FHAD1: variants seen among roughly 807,000 people sequenced by gnomAD.
FHAD1 encodes forkhead-associated domain-containing protein 1.
Under a neutral mutation model 191.3 loss-of-function variants are expected in FHAD1, and 146 were observed. The ratio of observed to expected loss-of-function variants is 0.76; its 90% CI spans 0.67 to 0.88. FHAD1 has a LOEUF of 0.88. Among genes scored for constraint, FHAD1 ranks in the 40% least tolerant of loss-of-function variants. The pLI is 0.00. For missense variants in FHAD1, 1,635 were observed against 1,785.8 expected (o/e 0.92, Z 1.52); for synonymous variants, 616 against 672.3 (o/e 0.92, Z 1.29).
At chr1:15,370,833 G>C (rs1239876568) in intron 26 of FHAD1, among the ~76,000 whole-genome samples, 2 of 152,210 alleles carry the variant, frequency 1.3e-5, no homozygotes, top group Non-Finnish European at 2.9e-5. Flanking sequence ...AGCCTAGAGA[G>C]CATGGCGTTC....
chr1:15,255,270 T>G (rs560598876), intron 2 of FHAD1, among the ~76,000 whole-genome samples: 2 of 152,346 alleles, frequency 1.3e-5, no homozygotes, highest in South Asian at 4.1e-4. Flanking sequence ...TTTTGCTTAT[T>G]GATATTATAA....
chr1:15,320,867 A>T (rs1676015373), intron 10 of FHAD1, among the ~76,000 whole-genome samples: 1 of 152,214 alleles, frequency 6.6e-6, no homozygotes, highest in Non-Finnish European at 1.5e-5. Context: ...GCTCAGGGCC[A>T]GGTGTACTAC....
upstream of FHAD1, among the ~76,000 whole-genome samples, chr1:15,243,416 T>C (rs1442262107): frequency 6.6e-6 from 1 of 152,236 alleles, no homozygotes; most frequent in Non-Finnish European, 1.5e-5. Context: ...CTCTTGTTCT[T>C]GCTCTTTCTC....
At chr1:15,346,402 G>A (rs566864631) in intron 18 of FHAD1, among the ~76,000 whole-genome samples, 1 of 152,174 alleles carries the variant, frequency 6.6e-6, no homozygotes, top group Non-Finnish European at 1.5e-5. Flanking sequence ...AAGCCTTACC[G>A]GGTAGCAGCA....
intron 2 of FHAD1, among the ~76,000 whole-genome samples, chr1:15,254,432 C>T (rs1367330595): frequency 1.3e-5 from 2 of 152,146 alleles, no homozygotes; most frequent in Non-Finnish European, 2.9e-5. Context: ...AAGTACCTGG[C>T]ATATGGTACT....
At chr1:15,362,239 A>T (rs1695041156) in intron 22 of FHAD1, among the ~76,000 whole-genome samples, 1 of 152,218 alleles carries the variant, frequency 6.6e-6, no homozygotes, top group Non-Finnish European at 1.5e-5. Flanking sequence ...AGGACGCTAG[A>T]GGCGGTGCAC....
chr1:15,305,776 C>T (rs1158768298), intron 6 of FHAD1: 15 of 448,478 alleles, frequency 3.3e-5, no homozygotes, highest in South Asian at 4.7e-5. Context: ...AAGTGCTTTT[C>T]GCCTCCCACC....
chr1:15,307,278 T>C (rs968405977), intron 6 of FHAD1, among the ~76,000 whole-genome samples: 1 of 152,210 alleles, frequency 6.6e-6, no homozygotes, highest in African/African-American at 2.4e-5. Context: ...CCATTGTACC[T>C]AGGAAGTAAC....
Position 15,345,721 on chromosome 1 carries a change from T to C in FHAD1, c.2346+198T>C, listed in dbSNP as rs76988428. 5.3e-4 allele frequency: 316 copies of C among 597,214 alleles called. 3 individuals are homozygous for C. The East Asian group carries it at 8.6e-3, about 16-fold the overall frequency. The allele number at this position is 597,214 out of a possible 1,614,324, so 37.0% of individuals were successfully genotyped here. A position where few individuals can be genotyped will look rare whatever the true frequency, so the allele number is the denominator to read the frequency against. On this transcript the variant is annotated intron_variant, in intron 18 of 33. Transcript: ENST00000688493. ...CTGGAGTTGTAGCCTTGACAACCAGTTGGGAAAAAATTGTAAACAGTGTAA... is the reference window on the plus strand; with the variant it reads ...CTGGAGTTGTAGCCTTGACAACCAGCTGGGAAAAAATTGTAAACAGTGTAA...
At chr1:15,364,881 C>G (rs1054159864) in intron 23 of FHAD1, among the ~76,000 whole-genome samples, 2 of 152,192 alleles carry the variant, frequency 1.3e-5, no homozygotes, top group Non-Finnish European at 2.9e-5. Context: ...CGCCCTTCAC[C>G]TCTCCACTGG....
rs1210406553 is a variant in FHAD1, at chr1:15,301,357, T to G, written c.831T>G (p.Asn277Lys). The G allele has an allele frequency of 6.4e-7, 1 of 1,551,674 alleles. No homozygotes were observed. ...CAGAGACCACCACCTCCAGGCAGAA[T>G]GAGAAGGAGATCTCGCAGAAGTGTC... ...KVSETTTSRQ[N>K]EKEISQKCQV... Residue 277 changes from asparagine to lysine, a missense_variant, in exon 6 of 34, where the codon AAT (asparagine) becomes AAG (lysine). By Grantham distance (94) the Asn-to-Lys change is moderately conservative (BLOSUM62 0). Transcript: ENST00000688493.
intron 18 of FHAD1, among the ~76,000 whole-genome samples, chr1:15,346,221 A>C (rs897580923): frequency 6.6e-6 from 1 of 152,200 alleles, no homozygotes; most frequent in African/African-American, 2.4e-5. Flanking sequence ...GCTGCTCTCC[A>C]GAAGTCACAG....
In FHAD1 at chr1:15,333,783, C is replaced by G. The variant is rs1032392227; in HGVS notation, c.1906+4242C>G. Among the ~76,000 whole-genome samples, 11 of 151,200 alleles carry G rather than the reference C, an allele frequency of 7.3e-5. No homozygotes were observed. The East Asian group carries it at 2.1e-3, about 29-fold the overall frequency. On this transcript the variant is annotated intron_variant, in intron 14 of 33. Coordinates refer to ENST00000688493, the MANE Select transcript of FHAD1 (RefSeq NM_001391957.1). ...TTGTGTACTTTTATCCTCCCACCTA[C>G]CCAGTGAGGCAGGTATGATTACCAT...
At chr1:15,380,856 G>T in intron 29 of FHAD1, 60 bp downstream of exon 29, 1 of 1,227,122 alleles carries the variant, frequency 8.1e-7, no homozygotes, top group Non-Finnish European at 1.2e-6. Flanking sequence ...TGCAGTCAGT[G>T]TTGAACGCAG....
At chr1:15,359,760 C>A in intron 21 of FHAD1, among the ~76,000 whole-genome samples, 1 of 152,084 alleles carries the variant, frequency 6.6e-6, no homozygotes, top group East Asian at 1.9e-4. Context: ...ACCATCCTGG[C>A]TAACATGATG....
At chr1:15,280,022 G>T (rs1338889251) in intron 3 of FHAD1, among the ~76,000 whole-genome samples, 1 of 152,200 alleles carries the variant, frequency 6.6e-6, no homozygotes, top group Admixed American at 6.5e-5. Flanking sequence ...GTTCCAGGCA[G>T]GTCTCCAAGG....
intron 26 of FHAD1, among the ~76,000 whole-genome samples, chr1:15,371,830 C>T (rs1570376749): frequency 1.3e-5 from 2 of 152,342 alleles, no homozygotes; most frequent in Admixed American, 1.3e-4. Context: ...TAAGCGCAGG[C>T]AGGGTGGGCT....
chr1:15,392,488 C>A (rs556703512), intron 33 of FHAD1, among the ~76,000 whole-genome samples: 1 of 151,944 alleles, frequency 6.6e-6, no homozygotes, highest in African/African-American at 2.4e-5. Context: ...GCCGAGATTG[C>A]GCCACTGCAC....
intron 19 of FHAD1, among the ~76,000 whole-genome samples, chr1:15,352,585 C>T (rs1426198609): frequency 6.6e-6 from 1 of 152,186 alleles, no homozygotes; most frequent in African/African-American, 2.4e-5. Context: ...CAATGCCAAA[C>T]ACCAGGACCC....
Sources: gnomAD v4.1 joint callset for allele counts (sites outside exome capture counted in the v4.1 genomes callset) on GRCh38, gnomAD v4.1.1 for gene constraint, MANE v1.5 for transcripts, NCBI Gene and HGNC (gene_info 2026-07-23, HGNC 2026-07-21) for gene names.